MAPK4: variants seen among roughly 807,000 people sequenced by gnomAD.
The protein encoded by MAPK4 is mitogen-activated protein kinase 4.
In MAPK4, 22 loss-of-function variants were observed where a neutral mutation model predicts 47.7. That is an observed-to-expected ratio of 0.46 (90% CI 0.33 to 0.66). MAPK4 has a LOEUF of 0.66. MAPK4 is among the 30% of genes least tolerant of loss of function. The pLI is 0.02. For synonymous variants in MAPK4, 390 were observed against 365.7 expected, an observed-to-expected ratio of 1.07 and a Z score of -0.76; for missense variants, 736 against 831.7, an observed-to-expected ratio of 0.88 and a Z score of 1.42.
At chr18:50,599,629 G>A (rs900895647) in intron 1 of MAPK4, among the ~76,000 whole-genome samples, 8 of 152,104 alleles carry the variant, frequency 5.3e-5, no homozygotes, top group Admixed American at 2.0e-4. Context: ...ATGTTGCCCA[G>A]GCTGGTCTTG....
At chr18:50,647,309 A>G (rs2144197828) in intron 1 of MAPK4, among the ~76,000 whole-genome samples, 1 of 152,324 alleles carries the variant, frequency 6.6e-6, no homozygotes, top group African/African-American at 2.4e-5. Context: ...AATGGTCTGT[A>G]AGCTACACAG....
Position 50,678,415 on chromosome 18 carries a change from GGGACC to G in MAPK4, c.546+13912_546+13916del, listed in dbSNP as rs1908397811. ...AGATATTTAACAACTGGTAAGCTTTGGGACCAACCAATCTGAACAGACATCGGCAG... is the reference window on the plus strand; with the variant it reads ...AGATATTTAACAACTGGTAAGCTTTGAACCAATCTGAACAGACATCGGCAG... On this transcript the variant is annotated intron_variant, in intron 2 of 5. Transcript: ENST00000400384. The surrounding 1 kb of genome is among the most constrained non-coding windows in gnomAD (Gnocchi z 4.2). Among the ~76,000 whole-genome samples the G allele has an allele frequency of 6.6e-6, 1 of 152,144 alleles. No homozygotes were observed. Among genetic ancestry groups the G allele is most frequent in the Non-Finnish European group, 1.5e-5 (1 of 68,030 alleles).
intron 1 of MAPK4, among the ~76,000 whole-genome samples, chr18:50,603,106 A>G (rs964610689): frequency 1.3e-5 from 2 of 152,104 alleles, no homozygotes; most frequent in African/African-American, 4.8e-5. Context: ...GAGGTTACAG[A>G]TAGTTACTGC....
chr18:50,679,641 G>A (rs533282894), intron 2 of MAPK4, among the ~76,000 whole-genome samples: 1 of 150,746 alleles, frequency 6.6e-6, no homozygotes, highest in Non-Finnish European at 1.5e-5. Flanking sequence ...CGGGAACCTG[G>A]AACAGCAGCT....
Position 50,610,080 on chromosome 18 carries a change from G to T in MAPK4, c.-871+49837G>T, listed in dbSNP as rs578137157. On this transcript the variant is annotated intron_variant, in intron 1 of 5. Transcript: ENST00000400384. Reference sequence around the variant, plus strand: ...TCTACGATCTTGTCACCTCCCTTCTGTACCAACCAGGGTCATGGTTAGAAG... The same window carrying T: ...TCTACGATCTTGTCACCTCCCTTCTTTACCAACCAGGGTCATGGTTAGAAG... Among the ~76,000 whole-genome samples, 3 of 152,210 alleles carry T rather than the reference G, an allele frequency of 2.0e-5. No homozygotes were observed. The South Asian group carries it at 6.2e-4, about 31-fold the overall frequency.
At chr18:50,712,776 A>C (rs111691081) in intron 2 of MAPK4, among the ~76,000 whole-genome samples, 1 of 152,196 alleles carries the variant, frequency 6.6e-6, no homozygotes, top group Non-Finnish European at 1.5e-5. Flanking sequence ...GTGCATTTAC[A>C]TATCAGAGAA....
chr18:50,668,086 G>T (rs1907705734), intron 2 of MAPK4, among the ~76,000 whole-genome samples: 1 of 152,214 alleles, frequency 6.6e-6, no homozygotes, highest in Non-Finnish European at 1.5e-5. Flanking sequence ...TTTACTGTAA[G>T]GGTTAGGGTT....
chr18:50,668,364 T>A lies in MAPK4; in HGVS notation c.546+3860T>A, dbSNP rs192730423. Among the ~76,000 whole-genome samples the A allele has an allele frequency of 2.8e-3, 432 of 152,270 alleles. 2 individuals carry two copies. The highest frequency in any genetic ancestry group is 9.2e-3 in the African/African-American group (384 of 41,560). Reference sequence around the variant, plus strand: ...TCTCATTTGCTCCCACATCCCCTCCTCTAGCGCAGGGCCTGACACTGGGCA... The same window carrying A: ...TCTCATTTGCTCCCACATCCCCTCCACTAGCGCAGGGCCTGACACTGGGCA... On this transcript the variant is annotated intron_variant, in intron 2 of 5. Transcript: ENST00000400384.
chr18:50,656,691 C>T (rs749898834), intron 1 of MAPK4, among the ~76,000 whole-genome samples: 2 of 152,166 alleles, frequency 1.3e-5, no homozygotes, highest in African/African-American at 2.4e-5. Context: ...GGGACTCACC[C>T]TGCTTCCTGC....
chr18:50,567,883 A>G (rs1170969439), intron 1 of MAPK4, among the ~76,000 whole-genome samples: 2 of 151,880 alleles, frequency 1.3e-5, no homozygotes, highest in African/African-American at 4.8e-5. Flanking sequence ...CTCTGATCTC[A>G]TAGGTATAGT....
chr18:50,596,252 C>A (rs904231419), intron 1 of MAPK4, among the ~76,000 whole-genome samples: 9 of 152,134 alleles, frequency 5.9e-5, no homozygotes, highest in African/African-American at 2.2e-4. Context: ...GCGGGTAGAG[C>A]TGGAGTTTGA....
chr18:50,712,029 T>C (rs749353861), intron 2 of MAPK4, among the ~76,000 whole-genome samples: 7 of 152,074 alleles, frequency 4.6e-5, no homozygotes, highest in Non-Finnish European at 7.4e-5. Flanking sequence ...TTCCCATATA[T>C]TCCCATCTCC....
chr18:50,587,351 G>A (rs1168326862), intron 1 of MAPK4, among the ~76,000 whole-genome samples: 3 of 152,176 alleles, frequency 2.0e-5, no homozygotes, highest in Admixed American at 6.5e-5. Context: ...CACAGACACC[G>A]AATTTGCCAG....
chr18:50,702,532 T>C (rs1208116862), intron 2 of MAPK4, among the ~76,000 whole-genome samples: 1 of 152,220 alleles, frequency 6.6e-6, no homozygotes, highest in Non-Finnish European at 1.5e-5. Flanking sequence ...GTGTTTGTAG[T>C]ATTTGCCAGC....
At chr18:50,627,039 C>G (rs1402938395) in intron 1 of MAPK4, among the ~76,000 whole-genome samples, 1 of 139,666 alleles carries the variant, frequency 7.2e-6, no homozygotes, top group East Asian at 2.5e-4. Context: ...TTTTGTCCCC[C>G]CTACCACCCC....
At chr18:50,609,748 G>A (rs565246743) in intron 1 of MAPK4, among the ~76,000 whole-genome samples, 3 of 152,268 alleles carry the variant, frequency 2.0e-5, no homozygotes, top group African/African-American at 7.2e-5. Context: ...GTAGTAAATG[G>A]TGGAGGGAGG....
intron 1 of MAPK4, among the ~76,000 whole-genome samples, chr18:50,604,783 C>T (rs1454369919): frequency 2.6e-5 from 4 of 152,254 alleles, no homozygotes; most frequent in African/African-American, 7.2e-5. Context: ...TGGCTGTTAA[C>T]AGCTGCCAGT....
chr18:50,695,689 G>A (rs1287491977), intron 2 of MAPK4, among the ~76,000 whole-genome samples: 3 of 152,192 alleles, frequency 2.0e-5, no homozygotes, highest in Non-Finnish European at 4.4e-5. Flanking sequence ...AGAGTGAGAA[G>A]GCTGCATAGG....
intron 1 of MAPK4, among the ~76,000 whole-genome samples, chr18:50,621,761 T>C (rs1319349139): frequency 6.6e-6 from 1 of 152,242 alleles, no homozygotes; most frequent in Non-Finnish European, 1.5e-5. Flanking sequence ...CTAGAGAGTT[T>C]GAGTTCTAAA....
Sources: gnomAD v4.1 joint callset for allele counts (sites outside exome capture counted in the v4.1 genomes callset) on GRCh38, gnomAD v4.1.1 for gene constraint, Gnocchi (gnomAD v3.1) non-coding constraint, MANE v1.5 for transcripts, NCBI Gene and HGNC (gene_info 2026-07-23, HGNC 2026-07-21) for gene names.